Variants in EFNB2 observed in about 807,000 individuals in gnomAD.
EFNB2 encodes the protein ephrin B2.
In EFNB2, 5 loss-of-function variants were observed where a neutral mutation model predicts 32.1. That is an observed-to-expected ratio of 0.16 (90% CI 0.08 to 0.33). EFNB2 has a LOEUF of 0.33. Ranked by LOEUF, EFNB2 falls within the 10% of genes least tolerant of loss-of-function variation. EFNB2 has a pLI of 1.00. For missense variants in EFNB2, 263 were observed against 422.6 expected, an observed-to-expected ratio of 0.62 and a Z score of 3.31; for synonymous variants, 168 against 166.5, an observed-to-expected ratio of 1.01 and a Z score of -0.07.
rs771643462 is a variant in EFNB2 at position 106,495,737 on chromosome 13, A to G, written c.499+11T>C. On this transcript the variant is annotated intron_variant, in intron 3 of 4. Transcript: ENST00000646441. ...TCACAGTGGCGTCATGAAGCAGCAGATGGTCTTTACCTTGTCCAACTTTCA... is the reference window on the plus strand; with the variant it reads ...TCACAGTGGCGTCATGAAGCAGCAGGTGGTCTTTACCTTGTCCAACTTTCA... The G allele has an allele frequency of 6.2e-7, 1 of 1,613,026 alleles. No individual in the cohort carries two copies. The highest frequency in any genetic ancestry group is 8.5e-7 in the Non-Finnish European group (1 of 1,179,488).
chr13:106,512,996 A>C (rs924427943), intron 1 of EFNB2, among the ~76,000 whole-genome samples, 184 bp from the exon 2 acceptor site: 2 of 152,214 alleles, frequency 1.3e-5, no homozygotes, highest in South Asian at 2.1e-4. Context: ...TTAAGCTTTA[A>C]AAGAAAAAGG....
intron 1 of EFNB2, among the ~76,000 whole-genome samples, chr13:106,515,368 G>A (rs571168547): frequency 5.9e-5 from 9 of 152,210 alleles, no homozygotes; most frequent in South Asian, 2.1e-4. Flanking sequence ...GGTCAGTGAC[G>A]GCAATCCGGG....
At chr13:106,529,745 AAGAC>A (rs1879814013) in intron 1 of EFNB2, among the ~76,000 whole-genome samples, 1 of 152,190 alleles carries the variant, frequency 6.6e-6, no homozygotes, top group African/African-American at 2.4e-5. Flanking sequence ...TTTTATCTGA[AAGAC>A]AGAAAATGGT....
intron 1 of EFNB2, among the ~76,000 whole-genome samples, chr13:106,527,648 AT>A (rs1241556075): frequency 2.6e-5 from 4 of 152,236 alleles, no homozygotes; most frequent in Non-Finnish European, 4.4e-5. Flanking sequence ...GCCACTGCTG[AT>A]TGTCTGCTGG....
chr13:106,495,684 C>T, intron 3 of EFNB2, 64 bp downstream of exon 3: 3 of 1,510,522 alleles, frequency 2.0e-6, no homozygotes, highest in Non-Finnish European at 2.7e-6. Flanking sequence ...GCAACATTAG[C>T]ACCATACTAG....
chr13:106,515,532 G>A (rs1879283822), intron 1 of EFNB2, among the ~76,000 whole-genome samples: 1 of 152,176 alleles, frequency 6.6e-6, no homozygotes, highest in African/African-American at 2.4e-5. Flanking sequence ...GGCAAAACGT[G>A]AGGCAAGAAT....
intron 1 of EFNB2, among the ~76,000 whole-genome samples, chr13:106,527,117 G>A (rs980414312): frequency 1.3e-5 from 2 of 152,136 alleles, no homozygotes; most frequent in Non-Finnish European, 2.9e-5. Flanking sequence ...GGGGTGATAC[G>A]AGAGTGGTGT....
In EFNB2 at chr13:106,493,344, G is replaced by A; in HGVS notation, c.698C>T (p.Ser233Leu). 6.2e-7 allele frequency: 1 copy of A among 1,614,170 alleles called. No homozygotes were observed. The highest frequency in any genetic ancestry group is 8.5e-7 in the Non-Finnish European group (1 of 1,180,044). Residue 233 changes from serine (S) to leucine (L), a missense_variant, in exon 5 of 5, where the codon TCA (serine) becomes TTA (leucine). By Grantham distance (145) the Ser-to-Leu change is moderately radical. This residue lies in a region of EFNB2 where 172 missense variants were observed against 237.1 expected (regional missense o/e 0.73). Transcript: ENST00000646441. This position sits in a 1 kb window ranked among gnomAD's most constrained non-coding sequence, Gnocchi z 6.1. ...GATGACGATGAAGATGATGCATCCT[G>A]AAGCAATCCCTGCAAATAAGGCCAC... ...SEVALFAGIA[S>L]GCIIFIVIII...
intron 2 of EFNB2, among the ~76,000 whole-genome samples, chr13:106,497,197 ATTAAC>A (rs1383092210): frequency 1.3e-5 from 2 of 152,214 alleles, no homozygotes; most frequent in Non-Finnish European, 2.9e-5. Context: ...GTGGTCTTGA[ATTAAC>A]TTTACTTTCA....
rs528623581 is a variant in EFNB2, at chr13:106,492,768, C to T, written c.*272G>A. 3.6e-4 allele frequency: 130 copies of T among 365,590 alleles called. 1 individual carries two copies. Among genetic ancestry groups the T allele is most frequent in the Non-Finnish European group, 5.6e-4 (111 of 197,612 alleles). The allele number at this position is 365,590 out of a possible 1,614,324, so 22.6% of individuals were successfully genotyped here. A position where few individuals can be genotyped will look rare whatever the true frequency, so the allele number is the denominator to read the frequency against. On this transcript the variant is annotated 3_prime_UTR_variant, in exon 5 of 5. Transcript: ENST00000646441. This position sits in a 1 kb window ranked among gnomAD's most constrained non-coding sequence, Gnocchi z 5.1. Reference sequence around the variant, plus strand: ...CCTGAGTGACCGCAGCACATGGCTTCGAGGAGGAGACGTGGGACGCGGCAC... The same window carrying T: ...CCTGAGTGACCGCAGCACATGGCTTTGAGGAGGAGACGTGGGACGCGGCAC...
chr13:106,503,315 C>T (rs759596149), intron 2 of EFNB2, among the ~76,000 whole-genome samples: 3 of 152,100 alleles, frequency 2.0e-5, no homozygotes, highest in East Asian at 1.9e-4. Context: ...TTTAAGGGAC[C>T]GTTTCTTATT....
chr13:106,493,587 C>T lies in EFNB2; in HGVS notation c.614-159G>A, dbSNP rs538074683. ...CAATACCTCGTCTAAGAGCTCAACG[C>T]AAAAGGAAATGAGAGGTATCTCTAG... On this transcript the variant is annotated intron_variant, in intron 4 of 4. Transcript: ENST00000646441. The surrounding 1 kb of genome is among the most constrained non-coding windows in gnomAD (Gnocchi z 6.1). Among the ~76,000 whole-genome samples the T allele has an allele frequency of 1.3e-5, 2 of 152,250 alleles. No homozygotes were observed. Among genetic ancestry groups the T allele is most frequent in the African/African-American group, 4.8e-5 (2 of 41,532 alleles).
intron 2 of EFNB2, among the ~76,000 whole-genome samples, chr13:106,505,518 G>A (rs1015565744): frequency 2.4e-4 from 37 of 152,176 alleles, no homozygotes; most frequent in African/African-American, 8.7e-4. Context: ...ACTTCCCTAA[G>A]TGATCAAACA....
At chr13:106,522,065 A>C (rs1233396416) in intron 1 of EFNB2, among the ~76,000 whole-genome samples, 2 of 151,976 alleles carry the variant, frequency 1.3e-5, no homozygotes, top group African/African-American at 4.8e-5. Flanking sequence ...CAAAAAAAAA[A>C]CCACACACGC....
intron 1 of EFNB2, among the ~76,000 whole-genome samples, chr13:106,523,628 C>CA (rs1879607733): frequency 6.6e-6 from 1 of 152,122 alleles, no homozygotes; most frequent in African/African-American, 2.4e-5. Flanking sequence ...CACTTGGAGT[C>CA]AAGAGAACCC....
chr13:106,495,067 T>C (rs1342473920), intron 3 of EFNB2, 73 bp from the exon 4 acceptor site: 4 of 1,148,846 alleles, frequency 3.5e-6, no homozygotes, highest in Non-Finnish European at 5.3e-6. Context: ...TGCATATATA[T>C]TTCAACAGGC....
chr13:106,512,021 C>T (rs1309847865), intron 2 of EFNB2, among the ~76,000 whole-genome samples: 1 of 152,140 alleles, frequency 6.6e-6, no homozygotes, highest in African/African-American at 2.4e-5. Context: ...CCCCATCTTT[C>T]GAATTTATGA....
Position 106,512,521 on chromosome 13 carries a change from A to T in EFNB2, c.406+8T>A, listed in dbSNP as rs781384503. ...TTCTATAAAATAAATGAATAAAATT[A>T]TACTTACATATAATGTAATAATCTT... On this transcript the variant is annotated splice_region_variant and intron_variant, in intron 2 of 4. Coordinates refer to ENST00000646441, the MANE Select transcript of EFNB2 (RefSeq NM_004093.4). The T allele has an allele frequency of 8.5e-6, 13 of 1,520,842 alleles. No homozygotes were observed. The highest frequency in any genetic ancestry group is 1.8e-5 in the Admixed American group (1 of 54,388). The allele number at this position is 1,520,842 out of a possible 1,614,324, so 94.2% of individuals were successfully genotyped here.
chr13:106,516,512 G>A (rs1287837980), intron 1 of EFNB2: 2 of 152,258 alleles, frequency 1.3e-5, no homozygotes, highest in Non-Finnish European at 2.9e-5. Context: ...GGTGCCCAAT[G>A]AGCATGACAG....
Sources: allele counts gnomAD v4.1 joint callset (sites outside exome capture counted in the v4.1 genomes callset), GRCh38; gene constraint gnomAD v4.1.1; regional missense constraint gnomAD v4.1.1; non-coding constraint Gnocchi (gnomAD v3.1); transcripts MANE v1.5; gene names NCBI Gene and HGNC (gene_info 2026-07-23, HGNC 2026-07-21).